MPDZ: variants seen among roughly 807,000 people sequenced by gnomAD.
The protein encoded by MPDZ is multiple PDZ domain protein.
A neutral mutation model predicts 239.1 loss-of-function variants in MPDZ; 234 were observed. That is an observed-to-expected ratio of 0.98 (90% CI 0.88 to 1.09). The LOEUF (loss-of-function observed/expected upper bound fraction) is 1.09. Among genes scored for constraint, MPDZ ranks in the 50% least tolerant of loss-of-function variants. MPDZ has a pLI of 0.00. For missense variants in MPDZ, 3,175 were observed against 2,510.0 expected, an observed-to-expected ratio of 1.26 and a Z score of -5.66; for synonymous variants, 1,048 against 881.3, an observed-to-expected ratio of 1.19 and a Z score of -3.35.
chr9:13,174,406 G>C (rs73406278), intron 21 of MPDZ, among the ~76,000 whole-genome samples: 28 of 152,248 alleles, frequency 1.8e-4, no homozygotes, highest in African/African-American at 6.5e-4. Flanking sequence ...TTCTCAGATA[G>C]GCTTTGCAAA....
At chr9:13,159,406 G>A (rs1289797764) in intron 23 of MPDZ, among the ~76,000 whole-genome samples, 1 of 152,132 alleles carries the variant, frequency 6.6e-6, no homozygotes, top group Non-Finnish European at 1.5e-5. Context: ...GGTAGGACTG[G>A]TGGGAAGAGC....
At chr9:13,247,926 A>C in intron 2 of MPDZ, 125 bp from the exon 3 acceptor site, 2 of 954,198 alleles carry the variant, frequency 2.1e-6, no homozygotes, top group Non-Finnish European at 3.0e-6. Flanking sequence ...TCTCTTTTAA[A>C]TTGAATAAAA....
chr9:13,270,981 G>C (rs1280374033), intron 1 of MPDZ, among the ~76,000 whole-genome samples: 1 of 152,082 alleles, frequency 6.6e-6, no homozygotes, highest in Non-Finnish European at 1.5e-5. Flanking sequence ...GGAATATTTA[G>C]CAAGCAGTCA....
At chr9:13,115,140 C>T in intron 40 of MPDZ, 108 bp downstream of exon 40, 1 of 861,020 alleles carries the variant, frequency 1.2e-6, no homozygotes, top group Non-Finnish European at 1.9e-6. Flanking sequence ...GTCACTATCC[C>T]ACGCTGCCAG....
chr9:13,260,341 A>G (rs187564401), intron 1 of MPDZ, among the ~76,000 whole-genome samples: 23 of 152,268 alleles, frequency 1.5e-4, no homozygotes, highest in Admixed American at 1.2e-3. Flanking sequence ...TAAGAGATGT[A>G]AGTACTGTGA....
chr9:13,173,632 G>C (rs571391219), intron 21 of MPDZ, among the ~76,000 whole-genome samples: 1 of 151,550 alleles, frequency 6.6e-6, no homozygotes, highest in African/African-American at 2.4e-5. Context: ...TTGAACTCAG[G>C]AGACGGAAGT....
intron 3 of MPDZ, among the ~76,000 whole-genome samples, chr9:13,239,720 G>A (rs1436392796): frequency 6.6e-6 from 1 of 152,106 alleles, no homozygotes; most frequent in Non-Finnish European, 1.5e-5. Flanking sequence ...AAGGTACAAA[G>A]TATTTAAAGA....
At chr9:13,152,307 G>A (rs957893758) in intron 24 of MPDZ, among the ~76,000 whole-genome samples, 2 of 152,094 alleles carry the variant, frequency 1.3e-5, no homozygotes, top group African/African-American at 4.8e-5. Flanking sequence ...TGGTTTGGCT[G>A]TGTCCTCACC....
intron 1 of MPDZ, among the ~76,000 whole-genome samples, chr9:13,264,890 T>C (rs1971476023): frequency 1.3e-5 from 2 of 152,160 alleles, no homozygotes; most frequent in Admixed American, 1.3e-4. Flanking sequence ...CACTCCTTAG[T>C]TAGACCCAAA....
chr9:13,266,951 G>A (rs1483349874), intron 1 of MPDZ, among the ~76,000 whole-genome samples: 1 of 152,078 alleles, frequency 6.6e-6, no homozygotes, highest in African/African-American at 2.4e-5. Context: ...ATATCATTTC[G>A]CTGATGTAAA....
At chr9:13,258,481 A>G (rs1432503622) in intron 1 of MPDZ, among the ~76,000 whole-genome samples, 1 of 152,216 alleles carries the variant, frequency 6.6e-6, no homozygotes, top group Non-Finnish European at 1.5e-5. Flanking sequence ...TAGTTGCCTC[A>G]GCAGTACCTG....
Position 13,222,286 on chromosome 9 carries a change from T to G in MPDZ, c.694A>C (p.Ile232Leu), listed in dbSNP as rs200362856. Residue 232 changes from isoleucine to leucine, a missense_variant, in exon 6 of 47, where the codon ATA (isoleucine) becomes CTA (leucine). Physicochemically the swap from Ile to Leu is conservative, Grantham distance 5 (BLOSUM62 2). Coordinates refer to ENST00000319217, the MANE Select transcript of MPDZ (RefSeq NM_001378778.1). The part of the protein sequence containing the change: ...RGSLPQLVSP[I>L]VSRSPSAAST... Reference sequence around the variant, plus strand: ...GCTGCAGATGGAGAACGGGAAACTATGGGGCTGACAAGCTGAGGCAATGAG... The same window carrying G: ...GCTGCAGATGGAGAACGGGAAACTAGGGGGCTGACAAGCTGAGGCAATGAG... 3 of 1,612,728 alleles carry G rather than the reference T, an allele frequency of 1.9e-6. No individual in the cohort carries two copies. In the South Asian group the frequency reaches 3.3e-5, roughly 18 times the overall value.
At chr9:13,165,298 C>T in intron 22 of MPDZ, 1 of 1,500,628 alleles carries the variant, frequency 6.7e-7, no homozygotes, top group Non-Finnish European at 9.0e-7. Context: ...ATTACAAAAG[C>T]ACAAAATTGT....
intron 34 of MPDZ, 109 bp downstream of exon 34, chr9:13,126,407 T>C (rs1470149389): frequency 1.5e-5 from 9 of 618,810 alleles, no homozygotes; most frequent in Admixed American, 1.0e-4. Context: ...CTTAAGAACA[T>C]GTCTAATACA....
intron 3 of MPDZ, among the ~76,000 whole-genome samples, chr9:13,230,618 G>A (rs1962114028): frequency 6.6e-6 from 1 of 152,190 alleles, no homozygotes; most frequent in Admixed American, 6.6e-5. Flanking sequence ...GGTTACAAAT[G>A]TAAGAAAGTG....
At chr9:13,126,119 C>T (rs997546287) in intron 34 of MPDZ, among the ~76,000 whole-genome samples, 1 of 152,012 alleles carries the variant, frequency 6.6e-6, no homozygotes, top group Non-Finnish European at 1.5e-5. Context: ...TATGTTTAAC[C>T]CTAATAAAAA....
At chr9:13,275,803 C>A (rs1974054707) in intron 1 of MPDZ, among the ~76,000 whole-genome samples, 1 of 152,198 alleles carries the variant, frequency 6.6e-6, no homozygotes. Flanking sequence ...CACAAATCCT[C>A]TATTCCACTC....
chr9:13,204,690 T>C (rs1015178989), intron 12 of MPDZ, among the ~76,000 whole-genome samples: 1 of 152,142 alleles, frequency 6.6e-6, no homozygotes, highest in African/African-American at 2.4e-5. Context: ...TTACTGTTAG[T>C]TTATGTTGGC....
intron 3 of MPDZ, among the ~76,000 whole-genome samples, chr9:13,226,231 A>G (rs1484644739): frequency 3.3e-5 from 5 of 152,136 alleles, no homozygotes; most frequent in African/African-American, 1.2e-4. Context: ...ACAACGGAAA[A>G]GATCATCCCA....
Sources: allele counts gnomAD v4.1 joint callset (sites outside exome capture counted in the v4.1 genomes callset), GRCh38; gene constraint gnomAD v4.1.1; transcripts MANE v1.5; gene names NCBI Gene and HGNC (gene_info 2026-07-23, HGNC 2026-07-21).